The following ANKS1B variants were observed in gnomAD, a reference collection of about 807,000 sequenced individuals.
ANKS1B encodes ankyrin repeat and sterile alpha motif domain containing 1B.
In ANKS1B, 36 loss-of-function variants were observed where a neutral mutation model predicts 148.3. The ratio of observed to expected loss-of-function variants is 0.24; its 90% CI spans 0.19 to 0.32. The LOEUF (loss-of-function observed/expected upper bound fraction) is 0.32, where lower values mean the gene tolerates loss of function less well. Among genes scored for constraint, ANKS1B ranks in the 10% least tolerant of loss-of-function variants. ANKS1B has a pLI of 1.00. For missense variants in ANKS1B, 1,157 were observed against 1,542.6 expected, an observed-to-expected ratio of 0.75 and a Z score of 4.19; for synonymous variants, 542 against 560.8, an observed-to-expected ratio of 0.97 and a Z score of 0.47.
chr12:99,791,267 G>A (rs1490263727), intron 4 of ANKS1B, among the ~76,000 whole-genome samples: 1 of 151,950 alleles, frequency 6.6e-6, no homozygotes, highest in Non-Finnish European at 1.5e-5. Flanking sequence ...GGAGTACCCA[G>A]ATATATAAAG....
At chr12:98,847,644 G>A (rs1216805360) in intron 17 of ANKS1B, among the ~76,000 whole-genome samples, 2 of 152,024 alleles carry the variant, frequency 1.3e-5, no homozygotes, top group Non-Finnish European at 2.9e-5. Flanking sequence ...CACCCAGGCT[G>A]GAGTGCAGTG....
chr12:98,751,603 G>A lies in ANKS1B; in HGVS notation c.3580-81C>T. The stretch of plus-strand genomic sequence containing the variant: ...CGAATGGCTGAGGAACACTGAGGGA[G>A]GTGAACTAGGGAGGAACTTGAACTA... On this transcript the variant is annotated intron_variant, in intron 25 of 26. Coordinates refer to ENST00000683438, the MANE Select transcript of ANKS1B (RefSeq NM_001352186.2). This position sits in a 1 kb window ranked among gnomAD's most constrained non-coding sequence, Gnocchi z 4.3. 2 of 1,354,666 alleles carry A rather than the reference G, an allele frequency of 1.5e-6. No individual in the cohort carries two copies. Among genetic ancestry groups the A allele is most frequent in the South Asian group, 2.6e-5 (2 of 76,290 alleles). 83.9% of individuals were successfully genotyped at this position (1,354,666 alleles called of 1,614,324 possible). A position where few individuals can be genotyped will look rare whatever the true frequency, so the allele number is the denominator to read the frequency against.
intron 17 of ANKS1B, among the ~76,000 whole-genome samples, chr12:98,957,270 A>G (rs1160338793): frequency 1.3e-5 from 2 of 151,938 alleles, no homozygotes; most frequent in Non-Finnish European, 2.9e-5. Context: ...ACCCAATTGC[A>G]TTGGATTCAC....
At chr12:99,483,177 T>A (rs1474317109) in intron 10 of ANKS1B, among the ~76,000 whole-genome samples, 1 of 151,930 alleles carries the variant, frequency 6.6e-6, no homozygotes, top group African/African-American at 2.4e-5. Flanking sequence ...AGGTCCCTTC[T>A]ATGCCTCATT....
chr12:99,480,346 GAT>G (rs1430992409), intron 10 of ANKS1B, among the ~76,000 whole-genome samples: 1 of 151,720 alleles, frequency 6.6e-6, no homozygotes, highest in Non-Finnish European at 1.5e-5. Context: ...ACTAAGAAAA[GAT>G]ATTTTTAATA....
chr12:99,672,497 C>A (rs958840807), intron 8 of ANKS1B, among the ~76,000 whole-genome samples: 7 of 152,242 alleles, frequency 4.6e-5, no homozygotes, highest in Admixed American at 2.0e-4. Context: ...CCTGTCATTG[C>A]ATAAAGACAA....
intron 16 of ANKS1B, among the ~76,000 whole-genome samples, chr12:99,063,121 G>GT (rs1436142020): frequency 2.0e-5 from 3 of 152,274 alleles, no homozygotes; most frequent in African/African-American, 7.2e-5. Flanking sequence ...TATCCCTGAT[G>GT]TGCCAGGCTC....
intron 9 of ANKS1B, among the ~76,000 whole-genome samples, chr12:99,630,305 C>T (rs2098144832): frequency 6.6e-6 from 1 of 152,178 alleles, no homozygotes; most frequent in South Asian, 2.1e-4. Context: ...GATGCATTGA[C>T]ACTTAGCAGA....
chr12:98,942,944 A>G (rs2099839358), intron 17 of ANKS1B, among the ~76,000 whole-genome samples: 1 of 152,238 alleles, frequency 6.6e-6, no homozygotes. Flanking sequence ...ACAACACCAA[A>G]TACAAGAATA....
intron 1 of ANKS1B, among the ~76,000 whole-genome samples, chr12:99,922,680 G>A (rs2094387357): frequency 6.6e-6 from 1 of 152,096 alleles, no homozygotes; most frequent in African/African-American, 2.4e-5. Flanking sequence ...GTTTGAATGT[G>A]TCCCCCGAAG....
intron 26 of ANKS1B, among the ~76,000 whole-genome samples, chr12:98,748,354 G>A (rs535980770): frequency 5.3e-5 from 8 of 152,234 alleles, no homozygotes; most frequent in South Asian, 2.1e-4. Flanking sequence ...AAATGGTTTC[G>A]TCCCTGTGCG....
intron 25 of ANKS1B, among the ~76,000 whole-genome samples, chr12:98,755,790 C>T (rs2098225728): frequency 6.6e-6 from 1 of 152,050 alleles, no homozygotes; most frequent in African/African-American, 2.4e-5. Flanking sequence ...GCTCAAAATC[C>T]CCCACTCTTG....
chr12:99,102,749 A>G (rs1450977944), intron 15 of ANKS1B, among the ~76,000 whole-genome samples: 1 of 152,074 alleles, frequency 6.6e-6, no homozygotes, highest in Non-Finnish European at 1.5e-5. Context: ...GTCTCAAAAA[A>G]TAAAAAACTA....
chr12:99,678,722 A>G (rs1218901987), intron 8 of ANKS1B, among the ~76,000 whole-genome samples: 1 of 152,186 alleles, frequency 6.6e-6, no homozygotes, highest in African/African-American at 2.4e-5. Context: ...TTAATTATTT[A>G]TTGTTGTTTA....
chr12:99,242,126 T>C (rs190393532), intron 14 of ANKS1B, among the ~76,000 whole-genome samples: 2 of 152,336 alleles, frequency 1.3e-5, no homozygotes, highest in East Asian at 1.9e-4. Context: ...GATGATATGA[T>C]TGTATATTTA....
At chr12:99,405,540 T>G (rs2094511172) in intron 11 of ANKS1B, among the ~76,000 whole-genome samples, 1 of 144,712 alleles carries the variant, frequency 6.9e-6, no homozygotes, top group South Asian at 2.1e-4. Context: ...AATCCTACAA[T>G]AGATACATAA....
intron 12 of ANKS1B, among the ~76,000 whole-genome samples, chr12:99,335,041 G>C (rs561533256): frequency 1.3e-5 from 2 of 151,974 alleles, no homozygotes; most frequent in African/African-American, 4.8e-5. Flanking sequence ...GAGTCCTCGC[G>C]ATGGTCTTGC....
rs564872624 is a variant in ANKS1B, at chr12:99,575,790, C to CA, written c.1273-71150dup. ...CCAAACCATATCAAGTACTTTCCAC[C>CA]AAAAAAATACACTCAAGTACAAGGC... On this transcript the variant is annotated intron_variant, in intron 9 of 26. Coordinates refer to ENST00000683438, the MANE Select transcript of ANKS1B (RefSeq NM_001352186.2). 1.7e-3 allele frequency among the ~76,000 whole-genome samples: 264 copies of CA among 151,894 alleles called. 1 individual carries two copies. Among genetic ancestry groups the CA allele is most frequent in the African/African-American group, 6.2e-3 (256 of 41,476 alleles).
chr12:99,551,546 AGGGGAGGGGAG>A (rs1567332021), intron 9 of ANKS1B, among the ~76,000 whole-genome samples: 33 of 22,912 alleles, frequency 1.4e-3, no homozygotes, highest in African/African-American at 4.3e-3. Context: ...AGGGGAGGGG[AGGGGAGGGGAG>A]GGGAGGGGAG....
Sources: gnomAD v4.1 joint callset for allele counts (sites outside exome capture counted in the v4.1 genomes callset) on GRCh38, gnomAD v4.1.1 for gene constraint, Gnocchi (gnomAD v3.1) non-coding constraint, MANE v1.5 for transcripts, NCBI Gene and HGNC (gene_info 2026-07-23, HGNC 2026-07-21) for gene names.